The following FUT9 variants were observed in gnomAD, a reference collection of about 807,000 sequenced individuals.
FUT9 encodes 4-galactosyl-N-acetylglucosaminide 3-alpha-L-fucosyltransferase 9.
In FUT9, 15 loss-of-function variants were observed where a neutral mutation model predicts 29.7. The observed-to-expected ratio is 0.51, with a 90% CI of 0.34 to 0.78. FUT9 has a LOEUF of 0.78. Among genes scored for constraint, FUT9 ranks in the 30% least tolerant of loss-of-function variants. The pLI, the probability that FUT9 is intolerant of heterozygous loss-of-function variation, is 0.01. For synonymous variants in FUT9, 169 were observed against 153.7 expected (o/e 1.10, Z -0.74); for missense variants, 319 against 425.4 (o/e 0.75, Z 2.20).
At chr6:96,088,031 G>A (rs936559745) in intron 1 of FUT9, among the ~76,000 whole-genome samples, 116 of 152,108 alleles carry the variant, frequency 7.6e-4, no homozygotes, top group African/African-American at 2.6e-3. Flanking sequence ...CCCTGCTGTC[G>A]TTTGGCTTCC....
intron 2 of FUT9, among the ~76,000 whole-genome samples, chr6:96,115,365 T>C (rs2127962409): frequency 6.6e-6 from 1 of 152,320 alleles, no homozygotes; most frequent in East Asian, 1.9e-4. Flanking sequence ...ACTAAGTCCT[T>C]GAAATCCAGT....
chr6:96,095,492 A>G (rs1771479734), intron 1 of FUT9, among the ~76,000 whole-genome samples: 1 of 152,132 alleles, frequency 6.6e-6, no homozygotes, highest in Non-Finnish European at 1.5e-5. Context: ...ATGAATTCAG[A>G]CAAAGTATCA....
chr6:96,119,088 T>G (rs1270136176), intron 2 of FUT9, among the ~76,000 whole-genome samples: 1 of 152,162 alleles, frequency 6.6e-6, no homozygotes, highest in Non-Finnish European at 1.5e-5. Context: ...AAAAACCTTT[T>G]TATAGGTTTA....
At chr6:96,197,278 G>A (rs1317000134) in intron 2 of FUT9, among the ~76,000 whole-genome samples, 2 of 152,154 alleles carry the variant, frequency 1.3e-5, no homozygotes, top group Admixed American at 1.3e-4. Context: ...AAAAGTGCTG[G>A]TGATCAAAAT....
Position 96,204,425 on chromosome 6 carries a change from A to T in FUT9, c.*190A>T, listed in dbSNP as rs1773789350. On this transcript the variant is annotated 3_prime_UTR_variant, in exon 3 of 3. Coordinates refer to ENST00000302103, the MANE Select transcript of FUT9 (RefSeq NM_006581.4). ...GAGCAATCATTCCATTCGGTTTTAA[A>T]TTATCCTGTATATACCTAATTATGT... 1 of 400,606 alleles carries T rather than the reference A, an allele frequency of 2.5e-6. No homozygotes were observed. The highest frequency in any genetic ancestry group is 4.0e-5 in the Admixed American group (1 of 24,818). The allele number at this position is 400,606 out of a possible 1,614,324, so 24.8% of individuals were successfully genotyped here.
intron 1 of FUT9, among the ~76,000 whole-genome samples, chr6:96,082,793 A>G (rs1048394850): frequency 8.6e-5 from 13 of 151,722 alleles, no homozygotes; most frequent in Admixed American, 5.3e-4. Context: ...TACTTCTCCA[A>G]CTCTAACTTA....
intron 2 of FUT9, among the ~76,000 whole-genome samples, chr6:96,115,210 A>C (rs1771887894): frequency 6.6e-6 from 1 of 152,198 alleles, no homozygotes; most frequent in Non-Finnish European, 1.5e-5. Context: ...TCATGGCCAC[A>C]TTTTTTAAAA....
In FUT9 at chr6:96,078,408, CTTTTTTTTTT is replaced by C. The variant is rs71012536; in HGVS notation, c.-97-35610_-97-35601del. ...GATCTCTTTCTTTCATATTAGTCTT[CTTTTTTTTTT>C]TTTTTTTTTTTTTTTTTTTTGAGAC... is the stretch of plus-strand genomic sequence containing the variant. On this transcript the variant is annotated intron_variant, in intron 1 of 2. Transcript: ENST00000302103. Among the ~76,000 whole-genome samples, 147 of 44,210 alleles carry C rather than the reference CTTTTTTTTTT, an allele frequency of 3.3e-3. 1 individual carries two copies. The East Asian group carries it at 0.051, about 15-fold the overall frequency. The allele number at this position is 44,210 out of a possible 152,430, so 29.0% of individuals were successfully genotyped here. A position where few individuals can be genotyped will look rare whatever the true frequency, so the allele number is the denominator to read the frequency against.
intron 2 of FUT9, among the ~76,000 whole-genome samples, chr6:96,147,146 A>AT (rs1316394210): frequency 1.8e-4 from 26 of 147,940 alleles, no homozygotes; most frequent in Admixed American, 2.7e-4. Context: ...TACCTGTCCA[A>AT]TTTTTTTTTT....
chr6:96,187,567 A>G (rs1296070956), intron 2 of FUT9, among the ~76,000 whole-genome samples: 1 of 152,154 alleles, frequency 6.6e-6, no homozygotes, highest in Admixed American at 6.6e-5. Flanking sequence ...GGGAAAGAAA[A>G]GAAATTTTCA....
At chr6:96,029,180 GA>G (rs1222959276) in intron 1 of FUT9, among the ~76,000 whole-genome samples, 1 of 151,550 alleles carries the variant, frequency 6.6e-6, no homozygotes, top group African/African-American at 2.4e-5. Flanking sequence ...AGCGATGATA[GA>G]AATTATTATT....
chr6:96,110,841 T>A (rs151329417), intron 1 of FUT9, among the ~76,000 whole-genome samples: 126 of 10,306 alleles, frequency 0.012, no homozygotes, highest in East Asian at 0.03. Context: ...TTATTTATTT[T>A]TTGTAGAAAC....
chr6:96,093,850 AT>A (rs1301988651), intron 1 of FUT9, among the ~76,000 whole-genome samples: 1 of 152,168 alleles, frequency 6.6e-6, no homozygotes, highest in East Asian at 1.9e-4. Flanking sequence ...AAATGAATAA[AT>A]TAAGGGACAG....
intron 1 of FUT9, among the ~76,000 whole-genome samples, chr6:96,092,203 C>T (rs77106709): frequency 0.026 from 3,938 of 151,992 alleles, 190 homozygotes; most frequent in African/African-American, 0.09. Context: ...TTGACAATAT[C>T]GATCTAAACA....
intron 2 of FUT9, among the ~76,000 whole-genome samples, chr6:96,122,437 G>A (rs555761178): frequency 1.2e-4 from 19 of 152,094 alleles, no homozygotes; most frequent in Non-Finnish European, 2.5e-4. Flanking sequence ...TATTTAAAAG[G>A]TCAATCCAGT....
At chr6:96,099,325 C>T (rs902745688) in intron 1 of FUT9, among the ~76,000 whole-genome samples, 1 of 152,062 alleles carries the variant, frequency 6.6e-6, no homozygotes, top group African/African-American at 2.4e-5. Flanking sequence ...AACAGAAAGA[C>T]ATTTTTATCC....
At chr6:96,082,853 A>G (rs997389086) in intron 1 of FUT9, among the ~76,000 whole-genome samples, 19 of 151,964 alleles carry the variant, frequency 1.3e-4, no homozygotes, top group Admixed American at 3.9e-4. Context: ...TTTTCTCAAG[A>G]AAGAGCTTTG....
At chr6:96,074,438 T>C (rs1771111403) in intron 1 of FUT9, among the ~76,000 whole-genome samples, 1 of 152,140 alleles carries the variant, frequency 6.6e-6, no homozygotes, top group African/African-American at 2.4e-5. Flanking sequence ...TATTAATATA[T>C]AGTTAGGAGT....
chr6:96,204,230 A>C lies in FUT9; in HGVS notation c.1075A>C (p.Asn359His). The change falls in exon 3 of 3, where the codon AAT becomes CAT. Residue 359 changes from asparagine to histidine, a missense_variant. Coordinates refer to ENST00000302103, the MANE Select transcript of FUT9 (RefSeq NM_006581.4). ...TGGTAATTTAGAGAAATGGTTTTGG[A>C]ATTAAAATTTTTCATCACTTGCACA... ...SVGNLEKWFW[N>H] 1 of 1,442,320 alleles carries C rather than the reference A, an allele frequency of 6.9e-7. No homozygotes were observed. The highest frequency in any genetic ancestry group is 9.1e-7 in the Non-Finnish European group (1 of 1,094,246). 89.3% of individuals were successfully genotyped at this position (1,442,320 alleles called of 1,614,324 possible).
Sources: gnomAD v4.1 joint callset for allele counts (sites outside exome capture counted in the v4.1 genomes callset) on GRCh38, gnomAD v4.1.1 for gene constraint, MANE v1.5 for transcripts, NCBI Gene and HGNC (gene_info 2026-07-23, HGNC 2026-07-21) for gene names.